The following WNT8B variants were observed in gnomAD, a reference collection of about 807,000 sequenced individuals.
WNT8B encodes the protein protein Wnt-8b.
Under a neutral mutation model 36.6 loss-of-function variants are expected in WNT8B, and 24 were observed. The ratio of observed to expected loss-of-function variants is 0.66; its 90% confidence interval spans 0.48 to 0.92. The LOEUF (loss-of-function observed/expected upper bound fraction) is 0.92. Among genes scored for constraint, WNT8B ranks in the 40% least tolerant of loss-of-function variants. The pLI is 0.00. For synonymous variants in WNT8B, 199 were observed against 189.8 expected (o/e 1.05, Z -0.40); for missense variants, 402 against 470.8 (o/e 0.85, Z 1.35).
intron 1 of WNT8B, among the ~76,000 whole-genome samples, chr10:100,476,313 A>G (rs543510305): frequency 5.6e-4 from 85 of 152,210 alleles, no homozygotes; most frequent in African/African-American, 1.7e-3. Flanking sequence ...AAAAAAAAAA[A>G]TAGGCCTTAG....
chr10:100,469,273 T>G (rs941752413), intron 1 of WNT8B, among the ~76,000 whole-genome samples: 1 of 152,182 alleles, frequency 6.6e-6, no homozygotes, highest in Non-Finnish European at 1.5e-5. Context: ...ACTAGCTACT[T>G]TCATGTCATA....
In WNT8B at chr10:100,463,247, T is replaced by C. The variant is rs755298431; in HGVS notation, c.68+11T>C. ...ACTCAGCCACAGCTGGTAAGTAACC[T>C]GGACTCTTACCTGGAGCTGGGAATA... On this transcript the variant is annotated intron_variant, in intron 1 of 5. Coordinates refer to ENST00000343737, the MANE Select transcript of WNT8B (RefSeq NM_003393.4). 2.1e-5 allele frequency: 34 copies of C among 1,611,788 alleles called. No individual in the cohort carries two copies. Among genetic ancestry groups the C allele is most frequent in the Non-Finnish European group, 2.8e-5 (33 of 1,178,072 alleles).
intron 1 of WNT8B, among the ~76,000 whole-genome samples, chr10:100,471,749 A>G (rs1217215585): frequency 2.0e-5 from 3 of 152,164 alleles, no homozygotes; most frequent in South Asian, 2.1e-4. Flanking sequence ...TGGCCACTCT[A>G]TGTTTCAGTC....
chr10:100,482,965 T>C lies in WNT8B; in HGVS notation c.*149T>C. 2 of 927,176 alleles carry C rather than the reference T, an allele frequency of 2.2e-6. No individual in the cohort carries two copies. The highest frequency in any genetic ancestry group is 3.1e-6 in the Non-Finnish European group (2 of 651,380). 57.4% of individuals were successfully genotyped at this position (927,176 alleles called of 1,614,324 possible). A position where few individuals can be genotyped will look rare whatever the true frequency, so the allele number is the denominator to read the frequency against. On this transcript the variant is annotated 3_prime_UTR_variant, in exon 6 of 6. Transcript: ENST00000343737. The surrounding 1 kb of genome is among the most constrained non-coding windows in gnomAD (Gnocchi z 6.6). Reference sequence around the variant, plus strand: ...CTGCAATTTCTCCAAAGCTTGCCACTTTCCAGCCTGTTTCCCCAATTCCTC... The same window carrying C: ...CTGCAATTTCTCCAAAGCTTGCCACCTTCCAGCCTGTTTCCCCAATTCCTC...
At chr10:100,468,609 T>C (rs1371640057) in intron 1 of WNT8B, among the ~76,000 whole-genome samples, 4 of 152,198 alleles carry the variant, frequency 2.6e-5, no homozygotes, top group Non-Finnish European at 4.4e-5. Flanking sequence ...TGCTTTTCTG[T>C]AGCTTAGCGT....
Position 100,482,883 on chromosome 10 carries a change from G to A in WNT8B, c.*67G>A. The A allele has an allele frequency of 1.4e-6, 2 of 1,420,076 alleles. No individual in the cohort carries two copies. Among genetic ancestry groups the A allele is most frequent in the South Asian group, 3.1e-5 (2 of 64,268 alleles). 88.0% of individuals were successfully genotyped at this position (1,420,076 alleles called of 1,614,324 possible). On this transcript the variant is annotated 3_prime_UTR_variant, in exon 6 of 6. Transcript: ENST00000343737. The surrounding 1 kb of genome is among the most constrained non-coding windows in gnomAD (Gnocchi z 6.6). ...TCCTTTAGAGACCCCGGTAATTGTGGAACCTAGGGAATGGGGAACCCGCTC... is the reference window on the plus strand; with the variant it reads ...TCCTTTAGAGACCCCGGTAATTGTGAAACCTAGGGAATGGGGAACCCGCTC...
chr10:100,464,043 C>T (rs773623165), intron 1 of WNT8B, among the ~76,000 whole-genome samples: 1 of 152,172 alleles, frequency 6.6e-6, no homozygotes, highest in Non-Finnish European at 1.5e-5. Context: ...CTCTCCAGTT[C>T]AGATATGAGC....
intron 1 of WNT8B, among the ~76,000 whole-genome samples, chr10:100,469,192 C>T (rs1316852378): frequency 6.6e-6 from 1 of 152,052 alleles, no homozygotes; most frequent in Non-Finnish European, 1.5e-5. Context: ...TTCCTCTGGC[C>T]CCAATCTCTA....
chr10:100,476,872 G>C (rs1177848771), intron 1 of WNT8B, among the ~76,000 whole-genome samples: 1 of 152,208 alleles, frequency 6.6e-6, no homozygotes. Context: ...ACGTTAGTAC[G>C]ATATCCATGA....
chr10:100,476,973 G>A (rs1564644414), intron 1 of WNT8B, among the ~76,000 whole-genome samples: 2 of 152,094 alleles, frequency 1.3e-5, no homozygotes, highest in East Asian at 1.9e-4. Context: ...GTGTAGCCTT[G>A]TATAACCACA....
At chr10:100,470,207 C>A (rs368533039) in intron 1 of WNT8B, among the ~76,000 whole-genome samples, 3 of 152,100 alleles carry the variant, frequency 2.0e-5, no homozygotes, top group Non-Finnish European at 2.9e-5. Flanking sequence ...CTCACTGCAG[C>A]CTCGACCTCC....
chr10:100,482,762 C>G lies in WNT8B; in HGVS notation c.1002C>G (p.Ser334Arg). 1 of 1,592,354 alleles carries G rather than the reference C, an allele frequency of 6.3e-7. No individual in the cohort carries two copies. Among genetic ancestry groups the G allele is most frequent in the Non-Finnish European group, 8.6e-7 (1 of 1,168,500 alleles). ...CRRRVTKYFCSRAERPRGGAA... is the reference protein window; with the variant it reads ...CRRRVTKYFCRRAERPRGGAA... ...GGAGGGTCACCAAGTACTTCTGTAG[C>G]CGCGCAGAGCGGCCGCGGGGGGGCG... The change falls in exon 6 of 6, where the codon AGC becomes AGG. Residue 334 changes from serine (S) to arginine (R), a missense_variant. By Grantham distance (110) the Ser-to-Arg change is moderately radical (BLOSUM62 -1). This residue lies in a region of WNT8B where 256 missense variants were observed against 278.6 expected (regional missense o/e 0.92). Transcript: ENST00000343737. The surrounding 1 kb of genome is among the most constrained non-coding windows in gnomAD (Gnocchi z 6.6).
At chr10:100,465,918 A>G (rs532645357) in intron 1 of WNT8B, among the ~76,000 whole-genome samples, 70 of 152,120 alleles carry the variant, frequency 4.6e-4, no homozygotes, top group Non-Finnish European at 8.7e-4. Context: ...CTCACCAAGC[A>G]TTGCATAAAG....
At chr10:100,481,170 T>C (rs1851105130) in intron 4 of WNT8B, 47 bp downstream of exon 4, 2 of 1,603,194 alleles carry the variant, frequency 1.2e-6, no homozygotes, top group South Asian at 1.1e-5. Context: ...CCAACGCACA[T>C]AAAGAATGAA....
At chr10:100,468,394 T>G (rs1850934901) in intron 1 of WNT8B, among the ~76,000 whole-genome samples, 1 of 152,210 alleles carries the variant, frequency 6.6e-6, no homozygotes, top group Admixed American at 6.5e-5. Context: ...AAGTCTATAC[T>G]GCAGGGACCA....
chr10:100,475,570 G>A (rs1851028730), intron 1 of WNT8B, among the ~76,000 whole-genome samples: 1 of 152,214 alleles, frequency 6.6e-6, no homozygotes, highest in Non-Finnish European at 1.5e-5. Context: ...ACTCCCTGTA[G>A]TTCCGGCTTA....
At chr10:100,479,212 A>G in intron 2 of WNT8B, 127 bp downstream of exon 2, 1 of 897,904 alleles carries the variant, frequency 1.1e-6, no homozygotes, top group South Asian at 2.2e-5. Context: ...AGATAGAAAG[A>G]TTGAGACCCA....
rs1444337088 is a variant in WNT8B, at chr10:100,478,935, G to A, written c.69-117G>A. On this transcript the variant is annotated intron_variant, in intron 1 of 5. Coordinates refer to ENST00000343737, the MANE Select transcript of WNT8B (RefSeq NM_003393.4). ...GCACAGTGTTTCCTGGGTAAAACTA[G>A]TTTCCCTTTCTTCCTATTAATGACA... The A allele has an allele frequency of 4.5e-6, 4 of 882,100 alleles. No individual in the cohort carries two copies. In the African/African-American group the frequency reaches 6.9e-5, roughly 15 times the overall value. The allele number at this position is 882,100 out of a possible 1,614,324, so 54.6% of individuals were successfully genotyped here. A position where few individuals can be genotyped will look rare whatever the true frequency, so the allele number is the denominator to read the frequency against.
At chr10:100,479,347 G>C (rs757226352) in intron 2 of WNT8B, among the ~76,000 whole-genome samples, 3 of 152,148 alleles carry the variant, frequency 2.0e-5, no homozygotes, top group Non-Finnish European at 4.4e-5. Context: ...CCTTTTATAG[G>C]TGTCAGGCTG....
Sources: allele counts gnomAD v4.1 joint callset (sites outside exome capture counted in the v4.1 genomes callset), GRCh38; gene constraint gnomAD v4.1.1; regional missense constraint gnomAD v4.1.1; non-coding constraint Gnocchi (gnomAD v3.1); transcripts MANE v1.5; gene names NCBI Gene and HGNC (gene_info 2026-07-23, HGNC 2026-07-21).